Variants in NLGN1 observed in about 807,000 individuals in gnomAD.
NLGN1 encodes neuroligin 1, also known as neuroligin-1.
Under a neutral mutation model 65.5 loss-of-function variants are expected in NLGN1, and 12 were observed. That is an observed-to-expected ratio of 0.18 (90% CI 0.12 to 0.30). The LOEUF (loss-of-function observed/expected upper bound fraction) is 0.30, where lower values mean the gene tolerates loss of function less well. Ranked by LOEUF, NLGN1 falls within the 10% of genes least tolerant of loss-of-function variation. The pLI is 1.00. For synonymous variants in NLGN1, 350 were observed against 359.5 expected (o/e 0.97, Z 0.30); for missense variants, 750 against 1,007.1 (o/e 0.74, Z 3.46).
At chr3:173,406,557 AT>A (rs1577307313) in intron 1 of NLGN1, among the ~76,000 whole-genome samples, 1 of 148,472 alleles carries the variant, frequency 6.7e-6, no homozygotes, top group East Asian at 1.9e-4. Context: ...ATGAATATAT[AT>A]TCATATATAT....
intron 3 of NLGN1, among the ~76,000 whole-genome samples, chr3:173,622,617 T>G (rs1754182449): frequency 6.6e-6 from 1 of 151,828 alleles, no homozygotes; most frequent in Non-Finnish European, 1.5e-5. Context: ...TATTTTAAGA[T>G]TCTAAAAAAT....
intron 1 of NLGN1, among the ~76,000 whole-genome samples, chr3:173,406,986 A>G (rs1174066228): frequency 6.6e-6 from 1 of 152,216 alleles, no homozygotes; most frequent in African/African-American, 2.4e-5. Flanking sequence ...AACATGATAC[A>G]GTATTACTGA....
In NLGN1 at chr3:174,239,689, G is replaced by A. The variant is rs541666903; in HGVS notation, c.647-35626G>A. 7.2e-5 allele frequency among the ~76,000 whole-genome samples: 11 copies of A among 152,128 alleles called. No homozygotes were observed. The South Asian group carries it at 2.3e-3, about 32-fold the overall frequency. On this transcript the variant is annotated intron_variant, in intron 4 of 6. Transcript: ENST00000457714. Reference sequence around the variant, plus strand: ...AGAAAGAAGGGTAGTCGATATAATTGTAAATGCTAAAAACTGAGTCAGCCA... The same window carrying A: ...AGAAAGAAGGGTAGTCGATATAATTATAAATGCTAAAAACTGAGTCAGCCA...
chr3:173,738,619 A>G (rs1357127398), intron 3 of NLGN1, among the ~76,000 whole-genome samples: 1 of 152,092 alleles, frequency 6.6e-6, no homozygotes, highest in Non-Finnish European at 1.5e-5. Context: ...CCTTCTTCCA[A>G]TACCACACAA....
chr3:173,706,143 A>G (rs1768010260), intron 3 of NLGN1, among the ~76,000 whole-genome samples: 1 of 152,176 alleles, frequency 6.6e-6, no homozygotes, highest in South Asian at 2.1e-4. Flanking sequence ...AGACCTATTT[A>G]TAGAGACAAA....
intron 4 of NLGN1, among the ~76,000 whole-genome samples, chr3:174,112,121 C>G (rs878977980): frequency 6.6e-6 from 1 of 151,766 alleles, no homozygotes; most frequent in African/African-American, 2.4e-5. Flanking sequence ...AATATAGAGG[C>G]AGTTGGCACT....
intron 3 of NLGN1, among the ~76,000 whole-genome samples, chr3:173,777,811 C>T (rs1204406393): frequency 6.6e-6 from 1 of 151,832 alleles, no homozygotes; most frequent in Non-Finnish European, 1.5e-5. Context: ...CAGGAAATGA[C>T]TGCTTTTGAA....
At chr3:173,949,586 T>C (rs542126454) in intron 4 of NLGN1, among the ~76,000 whole-genome samples, 10 of 152,252 alleles carry the variant, frequency 6.6e-5, no homozygotes, top group African/African-American at 2.4e-4. Flanking sequence ...ATGTGATGAA[T>C]TGTTAAATAA....
intron 4 of NLGN1, among the ~76,000 whole-genome samples, chr3:174,032,440 T>C (rs1730216320): frequency 6.6e-6 from 1 of 152,162 alleles, no homozygotes; most frequent in Non-Finnish European, 1.5e-5. Context: ...TGATAACCAT[T>C]GGTGTACAAG....
intron 3 of NLGN1, among the ~76,000 whole-genome samples, chr3:173,659,321 T>C (rs1018430426): frequency 6.6e-6 from 1 of 151,980 alleles, no homozygotes. Context: ...GAAAGGGCAT[T>C]TGTTTTGTAA....
At position 173,950,285 on chromosome 3, in the gene NLGN1, G is replaced by A. The variant is rs554961003; in HGVS notation, c.646+142453G>A. Among the ~76,000 whole-genome samples the A allele has an allele frequency of 7.9e-5, 12 of 152,128 alleles. No individual in the cohort carries two copies. The East Asian group carries it at 1.9e-3, about 25-fold the overall frequency. On this transcript the variant is annotated intron_variant, in intron 4 of 6. Coordinates refer to ENST00000457714, the Ensembl canonical transcript of NLGN1. Reference sequence around the variant, plus strand: ...ATGTATAAATATTATGTAAGTATTTGCTGACATAAAAATATATTTACTAGG... The same window carrying A: ...ATGTATAAATATTATGTAAGTATTTACTGACATAAAAATATATTTACTAGG...
At chr3:173,731,816 G>T (rs1772905365) in intron 3 of NLGN1, among the ~76,000 whole-genome samples, 1 of 151,980 alleles carries the variant, frequency 6.6e-6, no homozygotes, top group South Asian at 2.1e-4. Flanking sequence ...GATGGATTTA[G>T]GTTCTTGTAT....
intron 4 of NLGN1, among the ~76,000 whole-genome samples, chr3:174,220,352 C>A (rs1738407524): frequency 6.6e-6 from 1 of 152,000 alleles, no homozygotes; most frequent in African/African-American, 2.4e-5. Context: ...AGAAGTGAAC[C>A]TATTAGGACT....
chr3:174,124,633 GTATA>G (rs558470721), intron 4 of NLGN1, among the ~76,000 whole-genome samples: 8 of 119,826 alleles, frequency 6.7e-5, no homozygotes, highest in Admixed American at 1.6e-4. Context: ...ACACATATAC[GTATA>G]TATATAAGTA....
intron 4 of NLGN1, among the ~76,000 whole-genome samples, chr3:174,116,364 G>C (rs1161119777): frequency 9.1e-6 from 1 of 109,440 alleles, no homozygotes; most frequent in African/African-American, 3.7e-5. Context: ...TTTTGAGACA[G>C]TCTCGCTCTA....
intron 4 of NLGN1, among the ~76,000 whole-genome samples, chr3:174,043,921 C>T (rs1220292669): frequency 6.6e-6 from 1 of 152,200 alleles, no homozygotes; most frequent in Middle Eastern, 3.2e-3. Flanking sequence ...GCCTGCAGCA[C>T]ACTTCTACCT....
intron 3 of NLGN1, chr3:173,644,288 GCTTA>G (rs1359593537): frequency 1.9e-5 from 3 of 156,440 alleles, no homozygotes; most frequent in African/African-American, 4.8e-5. Context: ...GACATCCACG[GCTTA>G]CTTCTGCGAG....
intron 3 of NLGN1, among the ~76,000 whole-genome samples, 194 bp downstream of exon 2, chr3:173,605,285 C>G (rs1487375991): frequency 6.6e-6 from 1 of 151,920 alleles, no homozygotes; most frequent in Non-Finnish European, 1.5e-5. Context: ...TTTTCCTGTG[C>G]TTACTCATTT....
At position 174,057,945 on chromosome 3, in the gene NLGN1, A is replaced by G. The variant is rs527558356; in HGVS notation, c.647-217370A>G. ...AGATGTTGAAGAGAAACACTTGTGGAGTCAAATACAGAAGGAAGAATATAA... is the reference window on the plus strand; with the variant it reads ...AGATGTTGAAGAGAAACACTTGTGGGGTCAAATACAGAAGGAAGAATATAA... On this transcript the variant is annotated intron_variant, in intron 4 of 6. Transcript: ENST00000457714. 253 of 152,214 alleles carry G rather than the reference A, an allele frequency of 1.7e-3. 2 individuals are homozygous for G. The highest frequency in any genetic ancestry group is 5.8e-3 in the African/African-American group (241 of 41,542). 9.4% of individuals were successfully genotyped at this position (152,214 alleles called of 1,614,324 possible).
Sources: allele counts gnomAD v4.1 joint callset (sites outside exome capture counted in the v4.1 genomes callset), GRCh38; gene constraint gnomAD v4.1.1; transcripts MANE v1.5; gene names NCBI Gene and HGNC (gene_info 2026-07-23, HGNC 2026-07-21).